Variants in CSMD3 observed in about 807,000 individuals in gnomAD.
CSMD3 encodes the protein CUB and Sushi multiple domains 3.
A neutral mutation model predicts 435.2 loss-of-function variants in CSMD3; 177 were observed. The observed-to-expected ratio is 0.41, with a 90% CI of 0.36 to 0.46. The LOEUF is 0.46. CSMD3 is among the 20% of genes least tolerant of loss of function. The pLI, the probability that CSMD3 is intolerant of heterozygous loss-of-function variation, is 0.34. For missense variants in CSMD3, 4,265 were observed against 4,504.6 expected (o/e 0.95, Z 1.52); for synonymous variants, 1,656 against 1,520.5 (o/e 1.09, Z -2.07).
chr8:113,333,803 A>C (rs2094047213), intron 1 of CSMD3, among the ~76,000 whole-genome samples: 1 of 151,882 alleles, frequency 6.6e-6, no homozygotes, highest in Non-Finnish European at 1.5e-5. Context: ...CTACGTCTAC[A>C]AAAAGTCTTG....
intron 23 of CSMD3, among the ~76,000 whole-genome samples, chr8:112,586,106 A>G (rs1013683091): frequency 6.6e-6 from 1 of 151,642 alleles, no homozygotes; most frequent in Non-Finnish European, 1.5e-5. Flanking sequence ...ATATCATGTT[A>G]TTGTGTTAGA....
chr8:112,693,552 A>C (rs1357571076), intron 13 of CSMD3, among the ~76,000 whole-genome samples: 1 of 152,040 alleles, frequency 6.6e-6, no homozygotes, highest in Non-Finnish European at 1.5e-5. Context: ...TTCATAATTA[A>C]TCTGCCCCTT....
chr8:112,230,657 T>C (rs1234700584), intron 69 of CSMD3, among the ~76,000 whole-genome samples: 1 of 151,864 alleles, frequency 6.6e-6, no homozygotes, highest in Non-Finnish European at 1.5e-5. Context: ...GGTAGCTAAT[T>C]CCAGCTACCA....
Position 113,340,800 on chromosome 8 carries a change from C to T in CSMD3, c.179-26007G>A, listed in dbSNP as rs140378214. On this transcript the variant is annotated intron_variant, in intron 1 of 70. Coordinates refer to ENST00000297405, the MANE Select transcript of CSMD3 (RefSeq NM_198123.2). Reference sequence around the variant, plus strand: ...ATGAGAATCGCTTGAGCTTGGAAGTCGGAGGTTGCAGTGAACTGAGATTGT... The same window carrying T: ...ATGAGAATCGCTTGAGCTTGGAAGTTGGAGGTTGCAGTGAACTGAGATTGT... Among the ~76,000 whole-genome samples the T allele has an allele frequency of 8.3e-3, 1,254 of 151,234 alleles. 17 individuals carry two copies. The highest frequency in any genetic ancestry group is 0.029 in the African/African-American group (1,175 of 41,164).
chr8:112,534,766 A>T (rs1825889679), intron 27 of CSMD3, among the ~76,000 whole-genome samples: 1 of 152,138 alleles, frequency 6.6e-6, no homozygotes, highest in Non-Finnish European at 1.5e-5. Flanking sequence ...ATGAACATTG[A>T]TGCAAAAATC....
chr8:113,323,177 C>A (rs1447896979), intron 1 of CSMD3, among the ~76,000 whole-genome samples: 1 of 152,144 alleles, frequency 6.6e-6, no homozygotes, highest in Non-Finnish European at 1.5e-5. Flanking sequence ...GTTTACTCGT[C>A]TGTTTTCAAT....
intron 4 of CSMD3, among the ~76,000 whole-genome samples, chr8:113,147,525 C>T (rs1255660739): frequency 6.6e-6 from 1 of 151,634 alleles, no homozygotes; most frequent in Non-Finnish European, 1.5e-5. Flanking sequence ...TACTTCAGCG[C>T]TTTTGGATGT....
rs904044219 is a variant in CSMD3, at chr8:113,107,170, G to A, written c.710-8207C>T. On this transcript the variant is annotated intron_variant, in intron 4 of 70. Coordinates refer to ENST00000297405, the MANE Select transcript of CSMD3 (RefSeq NM_198123.2). ...TACAGCAAAGAGCATCATGCAAGTC[G>A]CATCACACTGGGGGCCTGGCACAGA... Among the ~76,000 whole-genome samples, 5 of 152,160 alleles carry A rather than the reference G, an allele frequency of 3.3e-5. No individual in the cohort carries two copies. The South Asian group carries it at 6.2e-4, about 19-fold the overall frequency.
At chr8:112,791,281 C>T (rs1376664755) in intron 13 of CSMD3, among the ~76,000 whole-genome samples, 1 of 142,674 alleles carries the variant, frequency 7.0e-6, no homozygotes, top group Non-Finnish European at 1.5e-5. Context: ...GAGATTGTGC[C>T]ACTGCACTCC....
intron 53 of CSMD3, among the ~76,000 whole-genome samples, chr8:112,296,533 G>T (rs973626937): frequency 2.0e-5 from 3 of 148,264 alleles, no homozygotes; most frequent in African/African-American, 7.4e-5. Context: ...CTGGGCAACA[G>T]AGCAAGACTC....
chr8:112,331,576 C>G (rs13260080), intron 45 of CSMD3, among the ~76,000 whole-genome samples: 1 of 151,740 alleles, frequency 6.6e-6, no homozygotes, highest in Non-Finnish European at 1.5e-5. Flanking sequence ...TTTTTTCCCT[C>G]TCTTTTCCAG....
At chr8:112,659,799 T>G (rs1254234409) in intron 17 of CSMD3, among the ~76,000 whole-genome samples, 1 of 152,144 alleles carries the variant, frequency 6.6e-6, no homozygotes, top group Non-Finnish European at 1.5e-5. Flanking sequence ...TATTTTGTTT[T>G]GTATTTTACA....
At chr8:112,246,318 G>A (rs1049978800) in intron 64 of CSMD3, among the ~76,000 whole-genome samples, 1 of 152,136 alleles carries the variant, frequency 6.6e-6, no homozygotes, top group African/African-American at 2.4e-5. Flanking sequence ...ATCCTAATAA[G>A]TGTTTCCACT....
intron 42 of CSMD3, among the ~76,000 whole-genome samples, chr8:112,340,946 T>TA (rs1192834415): frequency 6.6e-6 from 1 of 152,074 alleles, no homozygotes; most frequent in Non-Finnish European, 1.5e-5. Context: ...TCAAAAGAGA[T>TA]AAAAATCTTG....
At chr8:112,430,510 C>A (rs1169452914) in intron 32 of CSMD3, among the ~76,000 whole-genome samples, 6 of 151,780 alleles carry the variant, frequency 4.0e-5, no homozygotes, top group African/African-American at 1.2e-4. Context: ...TATTTAATTA[C>A]TAACTGGGAT....
intron 43 of CSMD3, 43 bp downstream of exon 43, chr8:112,337,500 C>T: frequency 1.3e-6 from 2 of 1,493,320 alleles, no homozygotes; most frequent in Admixed American, 1.7e-5. Flanking sequence ...ATATTAAAAA[C>T]AGATGACATC....
chr8:112,924,193 T>C (rs2082837239), intron 9 of CSMD3, among the ~76,000 whole-genome samples: 1 of 152,104 alleles, frequency 6.6e-6, no homozygotes, highest in African/African-American at 2.4e-5. Context: ...AATGAACTCA[T>C]TGGTTTCTGA....
chr8:112,459,159 T>A (rs1474737000), intron 32 of CSMD3, among the ~76,000 whole-genome samples: 1 of 152,042 alleles, frequency 6.6e-6, no homozygotes, highest in African/African-American at 2.4e-5. Context: ...GCTTAATTAG[T>A]TACTATGGTA....
chr8:113,042,313 C>T (rs1587951519), intron 5 of CSMD3, among the ~76,000 whole-genome samples: 1 of 152,072 alleles, frequency 6.6e-6, no homozygotes, highest in African/African-American at 2.4e-5. Flanking sequence ...TTAGAATAGA[C>T]TCACCAATGA....
Sources: allele counts gnomAD v4.1 joint callset (sites outside exome capture counted in the v4.1 genomes callset), GRCh38; gene constraint gnomAD v4.1.1; transcripts MANE v1.5; gene names NCBI Gene and HGNC (gene_info 2026-07-23, HGNC 2026-07-21).